FHIT: variants seen among roughly 807,000 people sequenced by gnomAD.
The protein encoded by FHIT is bis(5'-adenosyl)-triphosphatase.
A neutral mutation model predicts 17.9 loss-of-function variants in FHIT; 19 were observed. That is an observed-to-expected ratio of 1.06 (90% confidence interval 0.74 to 1.56). FHIT has a LOEUF of 1.56. FHIT is among the 40% of genes most tolerant of loss of function. The pLI, the probability that FHIT is intolerant of heterozygous loss-of-function variation, is 0.00. For synonymous variants in FHIT, 81 were observed against 69.7 expected (o/e 1.16, Z -0.81); for missense variants, 248 against 189.2 (o/e 1.31, Z -1.82).
At chr3:61,092,659 C>A (rs1294706288) in intron 2 of FHIT, among the ~76,000 whole-genome samples, 1 of 152,018 alleles carries the variant, frequency 6.6e-6, no homozygotes, top group African/African-American at 2.4e-5. Context: ...AAAAAGTTAT[C>A]TGAAGATGAT....
intron 8 of FHIT, among the ~76,000 whole-genome samples, chr3:59,899,718 C>T (rs112203331): frequency 0.011 from 1,742 of 152,000 alleles, 13 homozygotes; most frequent in Admixed American, 0.017. Flanking sequence ...TGGCAGCATA[C>T]GCCTGTAGTC....
At chr3:60,000,672 A>G (rs1699694183) in intron 7 of FHIT, among the ~76,000 whole-genome samples, 1 of 114,620 alleles carries the variant, frequency 8.7e-6, no homozygotes, top group African/African-American at 3.6e-5. Flanking sequence ...GTCTAGAAAA[A>G]TGGGCTTAGA....
intron 2 of FHIT, among the ~76,000 whole-genome samples, chr3:61,079,111 ACT>A (rs2035055318): frequency 6.6e-6 from 1 of 152,078 alleles, no homozygotes; most frequent in African/African-American, 2.4e-5. Context: ...CCTCCTCAAA[ACT>A]CTATCAGGTA....
intron 5 of FHIT, among the ~76,000 whole-genome samples, chr3:60,237,222 A>G (rs779401015): frequency 8.0e-5 from 12 of 149,770 alleles, no homozygotes; most frequent in Non-Finnish European, 1.6e-4. Flanking sequence ...ATTTCTCCAT[A>G]TCCTTAAAAA....
At chr3:60,863,416 T>A (rs1403157032) in intron 3 of FHIT, among the ~76,000 whole-genome samples, 1 of 152,240 alleles carries the variant, frequency 6.6e-6, no homozygotes, top group African/African-American at 2.4e-5. Context: ...TGTGTTGTTT[T>A]AAGTCACTAA....
At chr3:60,487,696 G>T (rs1202100105) in intron 5 of FHIT, among the ~76,000 whole-genome samples, 1 of 152,170 alleles carries the variant, frequency 6.6e-6, no homozygotes, top group Non-Finnish European at 1.5e-5. Context: ...AAGCCTATCA[G>T]AAATTCAAAA....
intron 5 of FHIT, among the ~76,000 whole-genome samples, chr3:60,416,081 A>C (rs1408933056): frequency 6.6e-6 from 1 of 151,692 alleles, no homozygotes; most frequent in African/African-American, 2.4e-5. Context: ...GCAGTTAATA[A>C]AATAGTGGAA....
intron 5 of FHIT, among the ~76,000 whole-genome samples, chr3:60,078,895 C>G (rs1576048470): frequency 6.6e-6 from 1 of 150,920 alleles, no homozygotes; most frequent in Non-Finnish European, 1.5e-5. Context: ...TTACATTATG[C>G]TTGCAACTTT....
In FHIT at chr3:60,962,104, T is replaced by C. The variant is rs542157475; in HGVS notation, c.-111+79943A>G. On this transcript the variant is annotated intron_variant, in intron 3 of 9. Transcript: ENST00000492590. ...TTTGTTTGTATCCTCTTTTATTTCA[T>C]TGAGCAGTGGTTTGTAGTTCTCCTT... is the stretch of plus-strand genomic sequence containing the variant. 2.8e-4 allele frequency among the ~76,000 whole-genome samples: 43 copies of C among 152,348 alleles called. 1 individual carries two copies. In the South Asian group the frequency reaches 5.2e-3, roughly 18 times the overall value.
At chr3:60,155,483 C>G (rs772297572) in intron 5 of FHIT, among the ~76,000 whole-genome samples, 7 of 152,192 alleles carry the variant, frequency 4.6e-5, no homozygotes, top group Admixed American at 3.3e-4. Context: ...CAGTGTCCTT[C>G]CCCAATTCTG....
chr3:60,953,062 C>T (rs1391423765), intron 3 of FHIT, among the ~76,000 whole-genome samples: 1 of 152,146 alleles, frequency 6.6e-6, no homozygotes, highest in Non-Finnish European at 1.5e-5. Flanking sequence ...GCCTCCTCTA[C>T]AGTATCCATC....
chr3:61,104,197 G>A (rs1267941720), intron 2 of FHIT, among the ~76,000 whole-genome samples: 1 of 152,092 alleles, frequency 6.6e-6, no homozygotes, highest in Non-Finnish European at 1.5e-5. Flanking sequence ...TTTTGTAGTG[G>A]CTGGTAGCCA....
chr3:60,632,679 T>G (rs1553682732), intron 4 of FHIT, among the ~76,000 whole-genome samples: 1 of 152,188 alleles, frequency 6.6e-6, no homozygotes, highest in Non-Finnish European at 1.5e-5. Flanking sequence ...CCAAAAATCA[T>G]GGGAAGGACA....
rs1261824740 is a variant in FHIT, at chr3:60,014,169, T to G, written c.104-17A>C. 4 of 1,613,512 alleles carry G rather than the reference T, an allele frequency of 2.5e-6. No homozygotes were observed. In the African/African-American group the frequency reaches 5.3e-5, roughly 22 times the overall value. ...CAAGGACATCTGTAGCAAGGTCTGT[T>G]AAGGCCCATGCTGCTGGCTTTGGGT... On this transcript the variant is annotated splice_polypyrimidine_tract_variant and intron_variant, in intron 5 of 9. Transcript: ENST00000492590.
At chr3:60,835,866 C>T (rs1392463943) in intron 3 of FHIT, among the ~76,000 whole-genome samples, 3 of 152,194 alleles carry the variant, frequency 2.0e-5, no homozygotes, top group Admixed American at 1.3e-4. Context: ...CCACCTGCCT[C>T]GGCCTCCCAT....
intron 2 of FHIT, among the ~76,000 whole-genome samples, chr3:61,141,843 T>C (rs1258238582): frequency 6.6e-6 from 1 of 151,612 alleles, no homozygotes; most frequent in Non-Finnish European, 1.5e-5. Flanking sequence ...TTCCCAGCAA[T>C]AGAATACTTG....
At chr3:60,391,805 G>T (rs1241171414) in intron 5 of FHIT, among the ~76,000 whole-genome samples, 1 of 152,142 alleles carries the variant, frequency 6.6e-6, no homozygotes, top group African/African-American at 2.4e-5. Context: ...AGCGATGGAT[G>T]ACTGTATTCA....
chr3:60,736,282 C>G (rs2042131028), intron 4 of FHIT, among the ~76,000 whole-genome samples: 1 of 152,092 alleles, frequency 6.6e-6, no homozygotes, highest in Admixed American at 6.5e-5. Context: ...AAGTCTACTC[C>G]TAGGTATATA....
chr3:60,213,328 C>A (rs778189870), intron 5 of FHIT, among the ~76,000 whole-genome samples: 24 of 152,132 alleles, frequency 1.6e-4, no homozygotes, highest in Non-Finnish European at 1.0e-4. Context: ...CTCTGAAATC[C>A]CAAACCCACA....
Sources: allele counts gnomAD v4.1 joint callset (sites outside exome capture counted in the v4.1 genomes callset), GRCh38; gene constraint gnomAD v4.1.1; transcripts MANE v1.5; gene names NCBI Gene and HGNC (gene_info 2026-07-23, HGNC 2026-07-21).